UGCG: variants seen among roughly 807,000 people sequenced by gnomAD.
The protein encoded by UGCG is UDP-glucose ceramide glucosyltransferase.
In UGCG, 10 loss-of-function variants were observed where a neutral mutation model predicts 49.5. The observed-to-expected ratio is 0.20, with a 90% confidence interval of 0.12 to 0.34. The LOEUF is 0.34. Ranked by LOEUF, UGCG falls within the 10% of genes least tolerant of loss-of-function variation. The probability of loss-of-function intolerance (pLI) is 1.00; values close to 1 mark genes in which losing one functional copy is unlikely to be tolerated. For synonymous variants in UGCG, 182 were observed against 158.2 expected (o/e 1.15, Z -1.13); for missense variants, 312 against 483.7 (o/e 0.65, Z 3.33).
chr9:111,903,740 C>T (rs994002789), intron 1 of UGCG, among the ~76,000 whole-genome samples: 2 of 152,104 alleles, frequency 1.3e-5, no homozygotes, highest in Admixed American at 6.6e-5. Context: ...GGACTACAGG[C>T]ACATGCCACC....
intron 7 of UGCG, 70 bp from the exon 8 acceptor site, chr9:111,932,100 A>AG (rs769488187): frequency 1.7e-5 from 25 of 1,479,810 alleles, no homozygotes; most frequent in African/African-American, 7.1e-5. Flanking sequence ...TGATTATTTG[A>AG]GGGAAAAAAA....
At chr9:111,927,178 G>A (rs1838331201) in intron 5 of UGCG, among the ~76,000 whole-genome samples, 1 of 151,846 alleles carries the variant, frequency 6.6e-6, no homozygotes, top group Non-Finnish European at 1.5e-5. Flanking sequence ...GCCCTCAAAA[G>A]AACCTTTTTA....
At chr9:111,904,787 G>A (rs756786995) in intron 1 of UGCG, among the ~76,000 whole-genome samples, 6 of 152,106 alleles carry the variant, frequency 3.9e-5, no homozygotes, top group Admixed American at 6.5e-5. Context: ...ACTTGAACTC[G>A]GGAGGTGGAG....
chr9:111,897,927 G>A (rs900873674), intron 1 of UGCG, among the ~76,000 whole-genome samples: 1 of 149,592 alleles, frequency 6.7e-6, no homozygotes, highest in Non-Finnish European at 1.5e-5. Flanking sequence ...ATTGTTTTAT[G>A]TAGATTTGTA....
intron 2 of UGCG, among the ~76,000 whole-genome samples, chr9:111,915,153 G>A (rs980027885): frequency 6.6e-6 from 1 of 152,176 alleles, no homozygotes; most frequent in African/African-American, 2.4e-5. Flanking sequence ...TGACTTCTCC[G>A]GAGAAACTGG....
intron 1 of UGCG, among the ~76,000 whole-genome samples, chr9:111,898,568 T>C (rs1288518887): frequency 1.3e-5 from 2 of 152,212 alleles, no homozygotes; most frequent in Non-Finnish European, 2.9e-5. Flanking sequence ...TTGTTGACTT[T>C]AGTTTTTGGA....
chr9:111,930,001 A>G lies in UGCG; in HGVS notation c.737+323A>G, dbSNP rs569868928. Among the ~76,000 whole-genome samples, 5 of 152,248 alleles carry G rather than the reference A, an allele frequency of 3.3e-5. No individual in the cohort carries two copies. In the East Asian group the frequency reaches 9.7e-4, roughly 29 times the overall value. ...GCACACTAATTTTTGTATTTTTAGT[A>G]GAGATGGGGTTTCTTCATGTTGGCC... On this transcript the variant is annotated intron_variant, in intron 6 of 8. Coordinates refer to ENST00000374279, the MANE Select transcript of UGCG (RefSeq NM_003358.3).
Position 111,932,207 on chromosome 9 carries a change from A to G in UGCG, c.862A>G (p.Ile288Val). 6.2e-7 allele frequency: 1 copy of G among 1,614,116 alleles called. No individual in the cohort carries two copies. The highest frequency in any genetic ancestry group is 1.1e-5 in the South Asian group (1 of 91,078). ...ACGAATTAACATGCTTCCTGCTACA[A>G]TAATTTGTGAGCCAATTTCAGAATG... ...KLRINMLPAT[I>V]ICEPISECFV... Residue 288 changes from isoleucine to valine, a missense_variant, in exon 8 of 9, where the codon ATA becomes GTA. By Grantham distance (29) the Ile-to-Val change is conservative. Coordinates refer to ENST00000374279, the MANE Select transcript of UGCG (RefSeq NM_003358.3).
intron 1 of UGCG, among the ~76,000 whole-genome samples, chr9:111,910,440 G>A (rs1837975354): frequency 1.3e-5 from 2 of 152,074 alleles, no homozygotes; most frequent in African/African-American, 4.8e-5. Flanking sequence ...CATGATTTCT[G>A]TGTCTTTACC....
intron 3 of UGCG, among the ~76,000 whole-genome samples, chr9:111,924,564 G>C (rs1007129785): frequency 5.9e-5 from 9 of 152,052 alleles, no homozygotes; most frequent in African/African-American, 2.2e-4. Flanking sequence ...GTGAAACAGT[G>C]AATTTTCAAA....
intron 2 of UGCG, among the ~76,000 whole-genome samples, chr9:111,916,242 T>G (rs1212278178): frequency 6.6e-6 from 1 of 152,212 alleles, no homozygotes; most frequent in Non-Finnish European, 1.5e-5. Context: ...AATTTTCTAT[T>G]GATTATGAAT....
intron 1 of UGCG, among the ~76,000 whole-genome samples, chr9:111,907,628 C>CTTTTTT (rs11398860): frequency 4.3e-5 from 6 of 139,820 alleles, no homozygotes; most frequent in African/African-American, 1.3e-4. Context: ...CATTTTCTTT[C>CTTTTTT]TTTTTTTTTT....
intron 2 of UGCG, among the ~76,000 whole-genome samples, chr9:111,915,417 T>A (rs1564201132): frequency 6.6e-6 from 1 of 152,260 alleles, no homozygotes; most frequent in Non-Finnish European, 1.5e-5. Flanking sequence ...TAATATTCTT[T>A]GATTTTTGTA....
intron 3 of UGCG, 135 bp downstream of exon 3, chr9:111,923,086 C>T (rs868657336): frequency 8.0e-5 from 37 of 463,650 alleles, no homozygotes; most frequent in Admixed American, 3.0e-4. Context: ...GAGGTGTTTA[C>T]GTCCTTTTGA....
At chr9:111,920,480 C>T (rs1013790069) in intron 2 of UGCG, among the ~76,000 whole-genome samples, 2 of 152,134 alleles carry the variant, frequency 1.3e-5, no homozygotes, top group Non-Finnish European at 2.9e-5. Flanking sequence ...ATTCTCCTGC[C>T]TCAGCTTCCC....
At chr9:111,908,621 G>A (rs2131719590) in intron 1 of UGCG, among the ~76,000 whole-genome samples, 1 of 152,326 alleles carries the variant, frequency 6.6e-6, no homozygotes, top group East Asian at 1.9e-4. Context: ...GGTCAAGGCT[G>A]CAAGCCAGAT....
rs150761575 is a variant in UGCG, at chr9:111,934,379, G to A, written c.*1382G>A. On this transcript the variant is annotated 3_prime_UTR_variant, in exon 9 of 9. Transcript: ENST00000374279. The stretch of plus-strand genomic sequence containing the variant: ...TTTTTTAAAAAAAAAAAACAAAAAT[G>A]TAAGGGACAGTGCATAAGCCTTTTC... The A allele has an allele frequency of 6.6e-6, 1 of 151,478 alleles. No individual in the cohort carries two copies. The highest frequency in any genetic ancestry group is 1.5e-5 in the Non-Finnish European group (1 of 67,888). 9.4% of individuals were successfully genotyped at this position (151,478 alleles called of 1,614,324 possible).
At chr9:111,913,688 C>A (rs149768191) in intron 1 of UGCG, among the ~76,000 whole-genome samples, 139 of 151,742 alleles carry the variant, frequency 9.2e-4, no homozygotes, top group Middle Eastern at 3.4e-3. Context: ...GATCCACCCG[C>A]CTCAGCCTCC....
Position 111,933,213 on chromosome 9 carries a change from G to A in UGCG, c.*216G>A. 3.1e-6 allele frequency: 1 copy of A among 318,946 alleles called. No homozygotes were observed. The highest frequency in any genetic ancestry group is 1.5e-4 in the South Asian group (1 of 6,710). The allele number at this position is 318,946 out of a possible 1,614,324, so 19.8% of individuals were successfully genotyped here. ...TGATACACTTTATTTTGTGGAAGTA[G>A]AGAATCAAGAGAATTGGTTCTAGGA... On this transcript the variant is annotated 3_prime_UTR_variant, in exon 9 of 9. Coordinates refer to ENST00000374279, the MANE Select transcript of UGCG (RefSeq NM_003358.3).
Sources: allele counts gnomAD v4.1 joint callset (sites outside exome capture counted in the v4.1 genomes callset), GRCh38; gene constraint gnomAD v4.1.1; transcripts MANE v1.5; gene names NCBI Gene and HGNC (gene_info 2026-07-23, HGNC 2026-07-21).